The following KCNH7 variants were observed in gnomAD, a reference collection of about 807,000 sequenced individuals.
The protein encoded by KCNH7 is potassium voltage-gated channel subfamily H member 7.
In KCNH7, 49 loss-of-function variants were observed where a neutral mutation model predicts 120.8. The observed-to-expected ratio is 0.41, with a 90% CI of 0.32 to 0.51. KCNH7 has a LOEUF of 0.51. Ranked by LOEUF, KCNH7 falls within the 20% of genes least tolerant of loss-of-function variation. The pLI is 0.38. For synonymous variants in KCNH7, 547 were observed against 516.1 expected, an observed-to-expected ratio of 1.06 and a Z score of -0.81; for missense variants, 1,097 against 1,446.6, an observed-to-expected ratio of 0.76 and a Z score of 3.92.
At chr2:162,655,786 C>T (rs974165187) in intron 2 of KCNH7, among the ~76,000 whole-genome samples, 3 of 151,816 alleles carry the variant, frequency 2.0e-5, no homozygotes, top group Non-Finnish European at 2.9e-5. Flanking sequence ...AGCAAGACTC[C>T]GTCTCAAAAA....
At chr2:162,751,952 A>T (rs1184599149) in intron 2 of KCNH7, among the ~76,000 whole-genome samples, 1 of 152,078 alleles carries the variant, frequency 6.6e-6, no homozygotes, top group Admixed American at 6.6e-5. Context: ...TTAACACTAG[A>T]ATAAAATTTC....
At chr2:162,648,201 A>G (rs1052365070) in intron 2 of KCNH7, among the ~76,000 whole-genome samples, 1 of 152,164 alleles carries the variant, frequency 6.6e-6, no homozygotes, top group Non-Finnish European at 1.5e-5. Context: ...TGCAGGAAGC[A>G]TGGTTGGGAG....
chr2:162,379,752 T>C (rs182030607), intron 14 of KCNH7, 101 bp downstream of exon 14: 11 of 1,118,320 alleles, frequency 9.8e-6, no homozygotes, highest in Non-Finnish European at 1.4e-5. Context: ...ATAAGGAAAT[T>C]ATGAGATCAT....
chr2:162,396,791 G>A lies in KCNH7; in HGVS notation c.2562C>T (p.His854=). The stretch of plus-strand genomic sequence containing the variant: ...AAGTCAACTCTAGGTTTGTTAGAAA[G>A]TGATCAGAAAACTCAGGATACATAT... ...VLDMYPEFSD[H]FLTNLELTFN... The change falls in exon 11 of 16, where the codon CAC becomes CAT. Residue 854 remains histidine, a synonymous_variant. Coordinates refer to ENST00000332142, the MANE Select transcript of KCNH7 (RefSeq NM_033272.4). 6.2e-7 allele frequency: 1 copy of A among 1,611,730 alleles called. No homozygotes were observed. Among genetic ancestry groups the A allele is most frequent in the Non-Finnish European group, 8.5e-7 (1 of 1,178,696 alleles).
intron 2 of KCNH7, among the ~76,000 whole-genome samples, chr2:162,681,036 C>T (rs559776195): frequency 6.3e-4 from 96 of 151,602 alleles, no homozygotes; most frequent in Non-Finnish European, 1.2e-3. Context: ...AGTAAGACAT[C>T]AGTAGTCTTT....
chr2:162,581,460 C>T (rs966248121), intron 2 of KCNH7, among the ~76,000 whole-genome samples: 5 of 151,978 alleles, frequency 3.3e-5, no homozygotes, highest in African/African-American at 9.7e-5. Flanking sequence ...TTATTATATC[C>T]GTTACCAAGG....
At chr2:162,656,262 A>G (rs1684757545) in intron 2 of KCNH7, among the ~76,000 whole-genome samples, 1 of 152,204 alleles carries the variant, frequency 6.6e-6, no homozygotes, top group Non-Finnish European at 1.5e-5. Flanking sequence ...TTTCTATACA[A>G]CCTTCATGTT....
At chr2:162,789,037 C>G (rs1444327200) in intron 2 of KCNH7, among the ~76,000 whole-genome samples, 1 of 143,856 alleles carries the variant, frequency 7.0e-6, no homozygotes, top group African/African-American at 2.6e-5. Context: ...ACTGAGAATA[C>G]TGTACCTAGC....
At chr2:162,773,794 G>A (rs1207821579) in intron 2 of KCNH7, among the ~76,000 whole-genome samples, 3 of 152,112 alleles carry the variant, frequency 2.0e-5, no homozygotes, top group Non-Finnish European at 2.9e-5. Context: ...AGGAAGATCA[G>A]TATTTCATAA....
chr2:162,838,635 T>G lies in KCNH7; in HGVS notation c.-117A>C, dbSNP rs1300822278. Reference sequence around the variant, plus strand: ...CGCTCTTTGTGGCAGAGCATCCTCTTTTGAAACCAGAATTCTCTTCCCATT... The same window carrying G: ...CGCTCTTTGTGGCAGAGCATCCTCTGTTGAAACCAGAATTCTCTTCCCATT... On this transcript the variant is annotated 5_prime_UTR_variant, in exon 1 of 16. Transcript: ENST00000332142. The G allele has an allele frequency of 1.4e-6, 1 of 732,864 alleles. No homozygotes were observed. Among genetic ancestry groups the G allele is most frequent in the African/African-American group, 1.8e-5 (1 of 56,482 alleles). 45.4% of individuals were successfully genotyped at this position (732,864 alleles called of 1,614,324 possible).
chr2:162,418,133 T>C (rs1687593390), intron 9 of KCNH7, among the ~76,000 whole-genome samples: 1 of 152,158 alleles, frequency 6.6e-6, no homozygotes. Context: ...TGACAACATC[T>C]TTTCAAGTGC....
chr2:162,589,565 A>G (rs2105930589), intron 2 of KCNH7, among the ~76,000 whole-genome samples: 1 of 152,222 alleles, frequency 6.6e-6, no homozygotes, highest in African/African-American at 2.4e-5. Flanking sequence ...AAACTCTCAC[A>G]TGGATAAATA....
chr2:162,487,246 C>T (rs1690127329), intron 6 of KCNH7, among the ~76,000 whole-genome samples: 1 of 152,084 alleles, frequency 6.6e-6, no homozygotes, highest in Non-Finnish European at 1.5e-5. Flanking sequence ...AAGAAATCTA[C>T]AGAAAGAGAC....
chr2:162,648,472 C>T (rs1192474027), intron 2 of KCNH7, among the ~76,000 whole-genome samples: 1 of 152,150 alleles, frequency 6.6e-6, no homozygotes, highest in African/African-American at 2.4e-5. Flanking sequence ...AGAGCCAAAC[C>T]ATATCAACCA....
rs573203572 is a variant in KCNH7 at position 162,570,805 on chromosome 2, T to A, written c.308-33725A>T. ...ACCAAAGATAAAAACCACATGATTATCTCAATAGATGCAGAAAAGGCCTTT... is the reference window on the plus strand; with the variant it reads ...ACCAAAGATAAAAACCACATGATTAACTCAATAGATGCAGAAAAGGCCTTT... On this transcript the variant is annotated intron_variant, in intron 2 of 15. Coordinates refer to ENST00000332142, the MANE Select transcript of KCNH7 (RefSeq NM_033272.4). Among the ~76,000 whole-genome samples the A allele has an allele frequency of 2.0e-3, 303 of 152,202 alleles. 2 individuals are homozygous for A. The highest frequency in any genetic ancestry group is 6.9e-3 in the African/African-American group (287 of 41,548).
At chr2:162,720,208 C>T (rs1330171511) in intron 2 of KCNH7, among the ~76,000 whole-genome samples, 1 of 149,652 alleles carries the variant, frequency 6.7e-6, no homozygotes, top group Non-Finnish European at 1.5e-5. Context: ...CTTTCTCTGT[C>T]AAGTGTAAGA....
rs1050132204 is a variant in KCNH7 at position 162,527,122 on chromosome 2, G to T, written c.464-8964C>A. Among the ~76,000 whole-genome samples the T allele has an allele frequency of 3.3e-5, 5 of 152,006 alleles. No homozygotes were observed. The East Asian group carries it at 7.8e-4, about 24-fold the overall frequency. On this transcript the variant is annotated intron_variant, in intron 3 of 15. Coordinates refer to ENST00000332142, the MANE Select transcript of KCNH7 (RefSeq NM_033272.4). The stretch of plus-strand genomic sequence containing the variant: ...AGATACGATGTTCAAATCCTGGGGG[G>T]TGGGAGAGGCACATGACATAAAATT...
At chr2:162,776,221 C>T (rs998298070) in intron 2 of KCNH7, among the ~76,000 whole-genome samples, 29 of 152,134 alleles carry the variant, frequency 1.9e-4, no homozygotes, top group African/African-American at 6.5e-4. Flanking sequence ...AGTGAACCTT[C>T]TCTACCTACA....
At position 162,687,652 on chromosome 2, in the gene KCNH7, C is replaced by T. The variant is rs116603074; in HGVS notation, c.307+148885G>A. ...GGCAAATGCTACAAATCACAACTCCCCCTGCCCATTAGAACATTGCTTGTT... is the reference window on the plus strand; with the variant it reads ...GGCAAATGCTACAAATCACAACTCCTCCTGCCCATTAGAACATTGCTTGTT... On this transcript the variant is annotated intron_variant, in intron 2 of 15. Transcript: ENST00000332142. 3.9e-3 allele frequency among the ~76,000 whole-genome samples: 591 copies of T among 152,192 alleles called. 5 individuals are homozygous for T. The highest frequency in any genetic ancestry group is 0.013 in the African/African-American group (560 of 41,544).
Sources: gnomAD v4.1 joint callset for allele counts (sites outside exome capture counted in the v4.1 genomes callset) on GRCh38, gnomAD v4.1.1 for gene constraint, MANE v1.5 for transcripts, NCBI Gene and HGNC (gene_info 2026-07-23, HGNC 2026-07-21) for gene names.